DMBX1: variants seen among roughly 807,000 people sequenced by gnomAD.
DMBX1 encodes the protein diencephalon/mesencephalon homeobox protein 1.
A neutral mutation model predicts 30.4 loss-of-function variants in DMBX1; 7 were observed. The ratio of observed to expected loss-of-function variants is 0.23; its 90% CI spans 0.13 to 0.43. The LOEUF (loss-of-function observed/expected upper bound fraction) is 0.43, where lower values mean the gene tolerates loss of function less well. DMBX1 is among the 20% of genes least tolerant of loss of function. DMBX1 has a pLI of 1.00. For synonymous variants in DMBX1, 222 were observed against 214.2 expected, an observed-to-expected ratio of 1.04 and a Z score of -0.32; for missense variants, 460 against 508.5, an observed-to-expected ratio of 0.90 and a Z score of 0.92.
intron 2 of DMBX1, among the ~76,000 whole-genome samples, chr1:46,505,542 T>A (rs1223987104): frequency 6.7e-6 from 1 of 149,610 alleles, no homozygotes; most frequent in African/African-American, 2.5e-5. Context: ...TAGGTGGGAA[T>A]TGAACAATGA....
At chr1:46,500,350 C>T (rs1170987991) in intron 2 of DMBX1, among the ~76,000 whole-genome samples, 2 of 151,524 alleles carry the variant, frequency 1.3e-5, no homozygotes, top group Non-Finnish European at 2.9e-5. Context: ...TGTCACTTAC[C>T]ACATCAACAG....
chr1:46,512,163 A>C lies in DMBX1; in HGVS notation c.803A>C (p.His268Pro). Residue 268 changes from histidine (H) to proline (P), a missense_variant, in exon 6 of 6, where the codon CAC (histidine) becomes CCC (proline). Transcript: ENST00000360032. The surrounding 1 kb of genome is among the most constrained non-coding windows in gnomAD (Gnocchi z 4.8). ...LFRLQEQFRQ[H>P]MAATNNLVHY... is the part of the protein sequence containing the mutation. The stretch of plus-strand genomic sequence containing the variant: ...CGTCTGCAGGAGCAATTCCGCCAGC[A>C]CATGGCGGCCACCAACAACCTGGTG... The C allele has an allele frequency of 6.2e-7, 1 of 1,614,024 alleles. No homozygotes were observed.
At chr1:46,508,862 ATGCTGAGCTGT>A (rs1666293440) in intron 3 of DMBX1, among the ~76,000 whole-genome samples, 1 of 120,546 alleles carries the variant, frequency 8.3e-6, no homozygotes. Context: ...CAGCAGTAGG[ATGCTGAGCTGT>A]TGCTCCTTCC....
At chr1:46,502,096 A>G (rs962942374) in intron 2 of DMBX1, among the ~76,000 whole-genome samples, 2 of 152,182 alleles carry the variant, frequency 1.3e-5, no homozygotes, top group Admixed American at 6.5e-5. Context: ...CTGCAAGTGA[A>G]TGTTGTTGGA....
intron 2 of DMBX1, among the ~76,000 whole-genome samples, chr1:46,494,072 C>T (rs893633459): frequency 2.0e-5 from 3 of 152,230 alleles, no homozygotes; most frequent in Non-Finnish European, 4.4e-5. Flanking sequence ...ATCTCGGCTC[C>T]GCCCAAGTCT....
In DMBX1 at chr1:46,514,225, A is replaced by ATAAAT. The variant is rs59105548; in HGVS notation, c.*1731_*1732insTAAAT. 1 of 137,338 alleles carries ATAAAT rather than the reference A, an allele frequency of 7.3e-6. No individual in the cohort carries two copies. The highest frequency in any genetic ancestry group is 2.5e-5 in the African/African-American group (1 of 39,948). The allele number at this position is 137,338 out of a possible 1,614,324, so 8.5% of individuals were successfully genotyped here. ...GAGACTCCATCTCAAAAAAAAAAAA[A>ATAAAT]AAATAAATAAAAGCTGTGTGACCTT... On this transcript the variant is annotated 3_prime_UTR_variant, in exon 6 of 6. Transcript: ENST00000360032.
At position 46,515,476 on chromosome 1, in the gene DMBX1, C is replaced by A. The variant is rs756222939; in HGVS notation, c.*2982C>A. On this transcript the variant is annotated 3_prime_UTR_variant, in exon 6 of 6. Transcript: ENST00000360032. ...CAGGCCCACCTTAGGAGCAGCCGAG[C>A]TTCCCTCAGATGTTTGTTAACACTT... Among the ~76,000 whole-genome samples, 60 of 152,220 alleles carry A rather than the reference C, an allele frequency of 3.9e-4. No individual in the cohort carries two copies. Among genetic ancestry groups the A allele is most frequent in the Non-Finnish European group, 7.2e-4 (49 of 68,038 alleles).
At chr1:46,504,568 A>G (rs1467841886) in intron 2 of DMBX1, among the ~76,000 whole-genome samples, 5 of 144,780 alleles carry the variant, frequency 3.5e-5, no homozygotes, top group Non-Finnish European at 6.1e-5. Flanking sequence ...TGTTCCATTG[A>G]TCTATATCTC....
Position 46,505,611 on chromosome 1 carries a change from G to T in DMBX1, c.-12-1388G>T, listed in dbSNP as rs1160920171. ...TCTGGGGACTGTTGTGGGGTTGGGG[G>T]ACGGGGGAGGGATAGCATTGGGAGA... On this transcript the variant is annotated intron_variant, in intron 2 of 5. Transcript: ENST00000360032. 2.0e-5 allele frequency among the ~76,000 whole-genome samples: 3 copies of T among 150,840 alleles called. No homozygotes were observed. In the East Asian group the frequency reaches 5.8e-4, roughly 29 times the overall value.
At chr1:46,502,755 G>C in intron 2 of DMBX1, among the ~76,000 whole-genome samples, 1 of 152,000 alleles carries the variant, frequency 6.6e-6, no homozygotes, top group East Asian at 1.9e-4. Context: ...CCAGCATGAT[G>C]GTAGTCCCAG....
rs1322462947 is a variant in DMBX1, at chr1:46,514,213, A to C, written c.*1719A>C. On this transcript the variant is annotated 3_prime_UTR_variant, in exon 6 of 6. Coordinates refer to ENST00000360032, the MANE Select transcript of DMBX1 (RefSeq NM_172225.2). ...GGGCGACGGAGTGAGACTCCATCTCAAAAAAAAAAAAAAAATAAATAAAAG... is the reference window on the plus strand; with the variant it reads ...GGGCGACGGAGTGAGACTCCATCTCCAAAAAAAAAAAAAAATAAATAAAAG... The C allele has an allele frequency of 1.2e-5, 1 of 83,576 alleles. No individual in the cohort carries two copies. The highest frequency in any genetic ancestry group is 5.0e-5 in the African/African-American group (1 of 20,028). The allele number at this position is 83,576 out of a possible 1,614,324, so 5.2% of individuals were successfully genotyped here. A position where few individuals can be genotyped will look rare whatever the true frequency, so the allele number is the denominator to read the frequency against.
chr1:46,500,474 G>C (rs946212431), intron 2 of DMBX1, among the ~76,000 whole-genome samples: 2 of 151,884 alleles, frequency 1.3e-5, no homozygotes, highest in Non-Finnish European at 2.9e-5. Flanking sequence ...TCCCCACCTG[G>C]AGCTTGTGAC....
At chr1:46,496,825 G>A (rs1666033255) in intron 2 of DMBX1, among the ~76,000 whole-genome samples, 1 of 152,216 alleles carries the variant, frequency 6.6e-6, no homozygotes, top group Admixed American at 6.5e-5. Context: ...AAGCAGCCTG[G>A]AGTTGGGGCA....
At chr1:46,494,002 C>T (rs1310331262) in intron 2 of DMBX1, among the ~76,000 whole-genome samples, 1 of 152,266 alleles carries the variant, frequency 6.6e-6, no homozygotes, top group African/African-American at 2.4e-5. Flanking sequence ...GGCAGGGCCA[C>T]CACTTCTGTA....
intron 3 of DMBX1, 86 bp downstream of exon 3, chr1:46,507,250 C>A (rs1051985680): frequency 6.5e-7 from 1 of 1,527,738 alleles, no homozygotes; most frequent in Non-Finnish European, 8.8e-7. Context: ...AGAGGGAGCA[C>A]TGGCCAAGCT....
chr1:46,490,332 C>G (rs902840382), intron 1 of DMBX1, among the ~76,000 whole-genome samples: 1 of 152,016 alleles, frequency 6.6e-6, no homozygotes, highest in African/African-American at 2.4e-5. Context: ...ACGGTTTTGC[C>G]TCATTTGGAA....
intron 5 of DMBX1, among the ~76,000 whole-genome samples, chr1:46,511,608 C>T (rs1004080854): frequency 6.6e-6 from 1 of 152,134 alleles, no homozygotes; most frequent in Non-Finnish European, 1.5e-5. Flanking sequence ...GTATTAGTAC[C>T]AGAGATTCCC....
In DMBX1 at chr1:46,512,267, A is replaced by T. The variant is rs1161034517; in HGVS notation, c.907A>T (p.Asn303Tyr). The change falls in exon 6 of 6, where the codon AAC (asparagine) becomes TAC (tyrosine). Residue 303 changes from asparagine to tyrosine, a missense_variant. By Grantham distance (143) the Asn-to-Tyr change is moderately radical. This residue lies in a region of DMBX1 where 334 missense variants were observed against 345.1 expected (regional missense o/e 0.97). Transcript: ENST00000360032. This position sits in a 1 kb window ranked among gnomAD's most constrained non-coding sequence, Gnocchi z 4.8. ...TGCTGCTGTGCCCTACCTGGGCGTC[A>T]ACATGGCCCCGCTGGGCTCACTGCA... ...AAAAVPYLGV[N>Y]MAPLGSLHCQ... 6.2e-7 allele frequency: 1 copy of T among 1,613,452 alleles called. No homozygotes were observed. The highest frequency in any genetic ancestry group is 1.3e-5 in the African/African-American group (1 of 74,880).
chr1:46,501,234 C>A (rs1166057100), intron 2 of DMBX1, among the ~76,000 whole-genome samples: 1 of 123,694 alleles, frequency 8.1e-6, no homozygotes, highest in Non-Finnish European at 1.6e-5. Flanking sequence ...TTCTTTCTTT[C>A]TTTCTTTCTT....
Sources: gnomAD v4.1 joint callset for allele counts (sites outside exome capture counted in the v4.1 genomes callset) on GRCh38, gnomAD v4.1.1 for gene constraint, gnomAD v4.1.1 regional missense constraint, Gnocchi (gnomAD v3.1) non-coding constraint, MANE v1.5 for transcripts, NCBI Gene and HGNC (gene_info 2026-07-23, HGNC 2026-07-21) for gene names.